Variants in CKMT2 observed in about 807,000 individuals in gnomAD.
The protein encoded by CKMT2 is creatine kinase, mitochondrial 2, also known as creatine kinase S-type, mitochondrial.
Under a neutral mutation model 48.9 loss-of-function variants are expected in CKMT2, and 43 were observed. The ratio of observed to expected loss-of-function variants is 0.88; its 90% CI spans 0.69 to 1.13. The LOEUF is 1.13. Ranked by LOEUF, CKMT2 falls within the 50% of genes most tolerant of loss-of-function variation. The pLI is 0.00. For synonymous variants in CKMT2, 206 were observed against 213.0 expected, an observed-to-expected ratio of 0.97 and a Z score of 0.29; for missense variants, 472 against 555.4, an observed-to-expected ratio of 0.85 and a Z score of 1.51.
In CKMT2 at chr5:81,259,258, C is replaced by G; in HGVS notation, c.1014+4C>G. ...TAGGATCCCAAAGCTCAGCAAGGTA[C>G]TGTTATGTGCCCAGTGGCCCTGATG... is the stretch of plus-strand genomic sequence containing the variant. On this transcript the variant is annotated splice_donor_region_variant and intron_variant, in intron 8 of 9. Transcript: ENST00000254035. 1 of 1,612,204 alleles carries G rather than the reference C, an allele frequency of 6.2e-7. No individual in the cohort carries two copies.
At chr5:81,237,103 C>T (rs562511213) in intron 1 of CKMT2, among the ~76,000 whole-genome samples, 4 of 152,258 alleles carry the variant, frequency 2.6e-5, no homozygotes, top group East Asian at 1.9e-4. Context: ...GAGCTGAGAT[C>T]GCACCACTGC....
At chr5:81,244,591 G>C (rs749633783) in intron 1 of CKMT2, among the ~76,000 whole-genome samples, 10 of 152,284 alleles carry the variant, frequency 6.6e-5, no homozygotes, top group Non-Finnish European at 1.0e-4. Flanking sequence ...CAAAACTGTG[G>C]ATAAGAGACT....
intron 1 of CKMT2, among the ~76,000 whole-genome samples, chr5:81,249,797 G>T (rs10073527): frequency 0.3 from 44,953 of 151,914 alleles, 7,009 homozygotes; most frequent in Admixed American, 0.39. Flanking sequence ...CAGTTCTAGG[G>T]TGACAGTTAT....
chr5:81,244,087 T>C, intron 1 of CKMT2: 1 of 985,442 alleles, frequency 1.0e-6, no homozygotes, highest in Non-Finnish European at 1.2e-6. Context: ...CTAAACGGGT[T>C]GGGGAGGAAC....
chr5:81,263,489 A>G lies in CKMT2; in HGVS notation c.1015-2A>G. 1 of 1,611,740 alleles carries G rather than the reference A, an allele frequency of 6.2e-7. No individual in the cohort carries two copies. Among genetic ancestry groups the G allele is most frequent in the Non-Finnish European group, 8.5e-7 (1 of 1,178,628 alleles). ...CATTTAAGTATTATCCCTTTGTCCT[A>G]GGACCCACGCTTTTCTAAGATCCTG... On this transcript the variant is annotated splice_acceptor_variant, in intron 8 of 9. Transcript: ENST00000254035. LOFTEE classifies it high-confidence loss of function.
Position 81,254,483 on chromosome 5 carries a change from G to C in CKMT2, c.439G>C (p.Ala147Pro). The C allele has an allele frequency of 1.2e-6, 2 of 1,613,778 alleles. No homozygotes were observed. The highest frequency in any genetic ancestry group is 1.7e-6 in the Non-Finnish European group (2 of 1,179,690). Reference protein sequence around the residue: ...RVMKHTTDLDASKITQGQFDE... With the variant: ...RVMKHTTDLDPSKITQGQFDE... ...GATGAAGCACACAACGGATCTGGAT[G>C]CATCAAAGGTAGGCTCCAGCCTCCC... is the stretch of plus-strand genomic sequence containing the variant. The change falls in exon 4 of 10, where the codon GCA (alanine) becomes CCA (proline). Residue 147 changes from alanine (A) to proline (P), a missense_variant. Coordinates refer to ENST00000254035, the MANE Select transcript of CKMT2 (RefSeq NM_001099735.2).
chr5:81,244,438 A>G (rs1264872707), intron 1 of CKMT2, among the ~76,000 whole-genome samples: 2 of 152,172 alleles, frequency 1.3e-5, no homozygotes, highest in Non-Finnish European at 2.9e-5. Flanking sequence ...TCAGACGCAG[A>G]TGTCATCTGC....
chr5:81,242,445 T>A, intron 1 of CKMT2: 1 of 513,466 alleles, frequency 1.9e-6, no homozygotes, highest in Non-Finnish European at 3.8e-6. Context: ...CCCCTCTCTG[T>A]CAATTTTACA....
chr5:81,236,137 A>G (rs1756236751), intron 1 of CKMT2: 1 of 152,284 alleles, frequency 6.6e-6, no homozygotes. Flanking sequence ...GGACAGGGAA[A>G]GAGAACAAGT....
At chr5:81,236,937 G>C (rs886848884) in intron 1 of CKMT2, among the ~76,000 whole-genome samples, 3 of 152,030 alleles carry the variant, frequency 2.0e-5, no homozygotes, top group Non-Finnish European at 4.4e-5. Flanking sequence ...ATCACTTGAG[G>C]TCAGGAGTTC....
chr5:81,255,298 C>A, intron 5 of CKMT2, 84 bp downstream of exon 5: 1 of 1,226,206 alleles, frequency 8.2e-7, no homozygotes, highest in Non-Finnish European at 1.2e-6. Flanking sequence ...GTGCTCTGCT[C>A]AGTCCTTACC....
chr5:81,259,792 C>G (rs964047579), intron 8 of CKMT2, among the ~76,000 whole-genome samples: 3 of 152,100 alleles, frequency 2.0e-5, no homozygotes, highest in African/African-American at 7.2e-5. Flanking sequence ...ACTTTAACAC[C>G]CCATTGTCAA....
At chr5:81,255,840 A>G (rs1037788344) in intron 5 of CKMT2, among the ~76,000 whole-genome samples, 3 of 151,902 alleles carry the variant, frequency 2.0e-5, no homozygotes, top group African/African-American at 4.8e-5. Context: ...AAAAAAGCAG[A>G]AACAAAATTT....
At chr5:81,254,282 A>G in intron 3 of CKMT2, 114 bp from the exon 4 acceptor site, 1 of 761,418 alleles carries the variant, frequency 1.3e-6, no homozygotes. Context: ...TGAAAATTTC[A>G]GAGAAGGAGG....
chr5:81,264,328 A>AT (rs1408983354), intron 9 of CKMT2, among the ~76,000 whole-genome samples: 2 of 152,220 alleles, frequency 1.3e-5, no homozygotes, highest in Non-Finnish European at 2.9e-5. Flanking sequence ...CATTGGACAT[A>AT]TTATGCCCAT....
chr5:81,266,173 A>G lies in CKMT2; in HGVS notation c.1175A>G (p.Asn392Ser). The change falls in exon 10 of 10, where the codon AAT becomes AGT. Residue 392 changes from asparagine to serine, a missense_variant. Physicochemically the swap from Asn to Ser is conservative, Grantham distance 46. Transcript: ENST00000254035. ...ELVQIVIDGV[N>S]YLVDCEKKLE... ...GTTCAGATAGTCATCGATGGAGTCA[A>G]TTACCTGGTGGATTGTGAAAAGAAG... 6.2e-7 allele frequency: 1 copy of G among 1,612,924 alleles called. No homozygotes were observed. Among genetic ancestry groups the G allele is most frequent in the African/African-American group, 1.3e-5 (1 of 75,016 alleles).
chr5:81,242,504 G>A (rs1040946070), intron 1 of CKMT2: 4 of 489,342 alleles, frequency 8.2e-6, no homozygotes, highest in African/African-American at 5.9e-5. Flanking sequence ...CCTTAATTAG[G>A]TTGATTTGGT....
rs112071184 is a variant in CKMT2, at chr5:81,254,205, C to CTTG, written c.352-170_352-168dup. ...AAGATGCCTTCAAAAGGCTTTCTCT[C>CTTG]TTGTTGTTGTTGTTGTTGTTGTTAT... On this transcript the variant is annotated intron_variant, in intron 3 of 9. Transcript: ENST00000254035. Among the ~76,000 whole-genome samples, 922 of 152,180 alleles carry CTTG rather than the reference C, an allele frequency of 6.1e-3. 8 individuals carry two copies. Among genetic ancestry groups the CTTG allele is most frequent in the African/African-American group, 0.018 (767 of 41,504 alleles).
chr5:81,255,603 C>T (rs996449871), intron 5 of CKMT2, among the ~76,000 whole-genome samples: 6 of 152,002 alleles, frequency 3.9e-5, no homozygotes, highest in Admixed American at 6.6e-5. Flanking sequence ...CTGGAAGCTA[C>T]AAAAATCTAG....
Sources: gnomAD v4.1 joint callset for allele counts (sites outside exome capture counted in the v4.1 genomes callset) on GRCh38, gnomAD v4.1.1 for gene constraint, MANE v1.5 for transcripts, NCBI Gene and HGNC (gene_info 2026-07-23, HGNC 2026-07-21) for gene names.